Variants in CWC27 observed in about 807,000 individuals in gnomAD.
CWC27 encodes the protein CWC27 spliceosome associated cyclophilin.
Under a neutral mutation model 63.6 loss-of-function variants are expected in CWC27, and 47 were observed. That is an observed-to-expected ratio of 0.74 (90% CI 0.58 to 0.94). CWC27 has a LOEUF of 0.94. Ranked by LOEUF, CWC27 falls within the 40% of genes least tolerant of loss-of-function variation. CWC27 has a pLI of 0.00. For synonymous variants in CWC27, 175 were observed against 179.8 expected (o/e 0.97, Z 0.22); for missense variants, 495 against 554.3 (o/e 0.89, Z 1.07).
At chr5:64,941,239 C>G (rs1211470298) in intron 11 of CWC27, among the ~76,000 whole-genome samples, 2 of 152,236 alleles carry the variant, frequency 1.3e-5, no homozygotes, top group Admixed American at 6.5e-5. Flanking sequence ...AGAGGAAAAT[C>G]ATATTTAGAA....
intron 10 of CWC27, among the ~76,000 whole-genome samples, chr5:64,819,136 A>G (rs62369297): frequency 0.15 from 22,137 of 152,168 alleles, 2,142 homozygotes; most frequent in East Asian, 0.38. Flanking sequence ...ATGTTTGCAG[A>G]AGACAATGGT....
At chr5:64,878,555 A>G (rs957017766) in intron 10 of CWC27, among the ~76,000 whole-genome samples, 7 of 147,394 alleles carry the variant, frequency 4.7e-5, no homozygotes, top group Admixed American at 2.8e-4. Flanking sequence ...TCAGTTTTGC[A>G]TATTATATAT....
At chr5:64,920,079 C>T (rs1747967885) in intron 11 of CWC27, among the ~76,000 whole-genome samples, 1 of 152,310 alleles carries the variant, frequency 6.6e-6, no homozygotes, top group East Asian at 1.9e-4. Flanking sequence ...GATTCTTCCA[C>T]CTCAGCCTTC....
intron 10 of CWC27, among the ~76,000 whole-genome samples, chr5:64,853,895 A>G (rs1021651440): frequency 6.6e-6 from 1 of 152,232 alleles, no homozygotes; most frequent in African/African-American, 2.4e-5. Context: ...GTATATTCAC[A>G]TTGTTGTGCA....
intron 10 of CWC27, among the ~76,000 whole-genome samples, chr5:64,822,627 A>G (rs991359925): frequency 6.6e-6 from 1 of 152,200 alleles, no homozygotes; most frequent in Non-Finnish European, 1.5e-5. Flanking sequence ...GAACCAGATA[A>G]TGATTTACCT....
chr5:64,963,823 C>A (rs1378748038), intron 11 of CWC27, among the ~76,000 whole-genome samples: 1 of 152,150 alleles, frequency 6.6e-6, no homozygotes, highest in African/African-American at 2.4e-5. Context: ...GGAAAGATAT[C>A]CTTAAGTCAG....
At chr5:64,891,220 T>TA (rs1035040123) in intron 11 of CWC27, among the ~76,000 whole-genome samples, 1 of 152,158 alleles carries the variant, frequency 6.6e-6, no homozygotes, top group African/African-American at 2.4e-5. Flanking sequence ...CCTAATTAGT[T>TA]AAAAAAATTA....
chr5:64,837,715 G>T (rs1292853712), intron 10 of CWC27, among the ~76,000 whole-genome samples: 1 of 151,096 alleles, frequency 6.6e-6, no homozygotes, highest in Non-Finnish European at 1.5e-5. Flanking sequence ...CACCTCACGG[G>T]GGTCTCTCTT....
chr5:64,836,973 T>C (rs1745674245), intron 10 of CWC27, among the ~76,000 whole-genome samples: 1 of 152,082 alleles, frequency 6.6e-6, no homozygotes, highest in Admixed American at 6.6e-5. Context: ...GAAACTAAGA[T>C]TTTCCATACA....
At chr5:64,775,065 C>G (rs1036935498) in intron 2 of CWC27, among the ~76,000 whole-genome samples, 1 of 152,186 alleles carries the variant, frequency 6.6e-6, no homozygotes, top group Non-Finnish European at 1.5e-5. Flanking sequence ...TCCTTTCATT[C>G]TCTAAATTTG....
chr5:64,840,813 C>T (rs1352591652), intron 10 of CWC27, among the ~76,000 whole-genome samples: 5 of 152,080 alleles, frequency 3.3e-5, no homozygotes, highest in Admixed American at 6.5e-5. Flanking sequence ...GTTTTGAGGC[C>T]GGATCATAAG....
chr5:64,986,224 A>C (rs1749423963), intron 13 of CWC27, among the ~76,000 whole-genome samples: 1 of 152,198 alleles, frequency 6.6e-6, no homozygotes, highest in African/African-American at 2.4e-5. Flanking sequence ...AAAAGCAAAC[A>C]CTGGATTGTA....
At chr5:64,833,710 C>A (rs1745587956) in intron 10 of CWC27, among the ~76,000 whole-genome samples, 1 of 151,590 alleles carries the variant, frequency 6.6e-6, no homozygotes, top group South Asian at 2.1e-4. Flanking sequence ...TGACCTTCAC[C>A]CAGAACTTTG....
intron 11 of CWC27, among the ~76,000 whole-genome samples, chr5:64,913,230 C>T (rs1299168694): frequency 6.6e-6 from 1 of 151,986 alleles, no homozygotes; most frequent in Non-Finnish European, 1.5e-5. Flanking sequence ...TGTTCTAGCA[C>T]ACTAGAAATA....
chr5:64,788,949 A>G lies in CWC27; in HGVS notation c.600-2A>G. ...TTTTTTTCTTTCTTTTTTTTGGACT[A>G]GAAATTTTAGTTTACTTTCATTTGG... On this transcript the variant is annotated splice_acceptor_variant, in intron 6 of 13. Coordinates refer to ENST00000381070, the MANE Select transcript of CWC27 (RefSeq NM_005869.4). LOFTEE classifies it high-confidence loss of function. 6.4e-7 allele frequency: 1 copy of G among 1,563,852 alleles called. No homozygotes were observed. Among genetic ancestry groups the G allele is most frequent in the Non-Finnish European group, 8.7e-7 (1 of 1,155,586 alleles).
chr5:64,800,241 T>A lies in CWC27; in HGVS notation c.670-7T>A. 1 of 1,596,858 alleles carries A rather than the reference T, an allele frequency of 6.3e-7. No homozygotes were observed. Among genetic ancestry groups the A allele is most frequent in the Non-Finnish European group, 8.6e-7 (1 of 1,165,604 alleles). On this transcript the variant is annotated splice_region_variant and splice_polypyrimidine_tract_variant and intron_variant, in intron 7 of 13. Transcript: ENST00000381070. ...CCCCTCATGATTATATTGTACATTC[T>A]TTGCAGAGCATGAAGGGCAAAAGCA...
intron 10 of CWC27, among the ~76,000 whole-genome samples, chr5:64,856,069 C>T (rs1404869054): frequency 1.3e-5 from 2 of 151,990 alleles, no homozygotes; most frequent in Non-Finnish European, 1.5e-5. Context: ...TTTTTGGATG[C>T]AGATTTTGTG....
intron 11 of CWC27, among the ~76,000 whole-genome samples, chr5:64,919,086 A>G (rs756724862): frequency 4.6e-5 from 7 of 152,204 alleles, no homozygotes; most frequent in Non-Finnish European, 7.3e-5. Context: ...TGTGATTTCC[A>G]TATATTTTTG....
rs755632501 is a variant in CWC27, at chr5:64,804,324, C to G, written c.876C>G (p.Asp292Glu). 35 of 1,612,836 alleles carry G rather than the reference C, an allele frequency of 2.2e-5. No homozygotes were observed. The highest frequency in any genetic ancestry group is 2.9e-5 in the Non-Finnish European group (34 of 1,179,458). The change falls in exon 10 of 14, where the codon GAC becomes GAG. Residue 292 changes from aspartate to glutamate, a missense_variant. By Grantham distance (45) the Asp-to-Glu change is conservative (BLOSUM62 2). Coordinates refer to ENST00000381070, the MANE Select transcript of CWC27 (RefSeq NM_005869.4). ...RERIAKKLKK[D>E]TSANVKSAGE... Reference sequence around the variant, plus strand: ...GAATTGCCAAAAAATTAAAAAAGGACACAAGTGCGAATGTTAAATCAGCTG... The same window carrying G: ...GAATTGCCAAAAAATTAAAAAAGGAGACAAGTGCGAATGTTAAATCAGCTG...
Sources: allele counts gnomAD v4.1 joint callset (sites outside exome capture counted in the v4.1 genomes callset), GRCh38; gene constraint gnomAD v4.1.1; transcripts MANE v1.5; gene names NCBI Gene and HGNC (gene_info 2026-07-23, HGNC 2026-07-21).